MLIP: variants seen among roughly 807,000 people sequenced by gnomAD.
MLIP encodes muscular LMNA interacting protein, also known as muscular LMNA-interacting protein.
Under a neutral mutation model 84.8 loss-of-function variants are expected in MLIP, and 79 were observed. The ratio of observed to expected loss-of-function variants is 0.93; its 90% CI spans 0.78 to 1.12. The LOEUF (loss-of-function observed/expected upper bound fraction) is 1.12. MLIP is among the 50% of genes most tolerant of loss of function. The pLI, the probability that MLIP is intolerant of heterozygous loss-of-function variation, is 0.00. For synonymous variants in MLIP, 504 were observed against 463.0 expected (o/e 1.09, Z -1.14); for missense variants, 1,257 against 1,160.6 (o/e 1.08, Z -1.21).
In MLIP at chr6:54,035,059, C is replaced by T. The variant is rs141952575; in HGVS notation, c.63+15968C>T. On this transcript the variant is annotated intron_variant, in intron 1 of 12. Transcript: ENST00000274897. ...TGTAGCCTAGGAGAAACAGTCTATA[C>T]CATATAGCCCAGATATGGCCGTATA... 1.4e-3 allele frequency among the ~76,000 whole-genome samples: 212 copies of T among 152,202 alleles called. 1 individual carries two copies. Among genetic ancestry groups the T allele is most frequent in the African/African-American group, 4.9e-3 (203 of 41,544 alleles).
At chr6:54,033,273 T>TC in intron 1 of MLIP, among the ~76,000 whole-genome samples, 1 of 151,708 alleles carries the variant, frequency 6.6e-6, no homozygotes, top group East Asian at 1.9e-4. Flanking sequence ...ACTAATTTTT[T>TC]TTTTTTTTTT....
At chr6:54,093,328 A>AAATTCAATTC (rs1345519347) in intron 1 of MLIP, among the ~76,000 whole-genome samples, 4 of 81,374 alleles carry the variant, frequency 4.9e-5, no homozygotes, top group African/African-American at 1.8e-4. Flanking sequence ...ATTTTCGATT[A>AAATTCAATTC]AATTCTATTC....
At chr6:54,057,710 G>A (rs1420264256) in intron 1 of MLIP, among the ~76,000 whole-genome samples, 3 of 152,004 alleles carry the variant, frequency 2.0e-5, no homozygotes, top group Non-Finnish European at 4.4e-5. Flanking sequence ...TGATTGTTGG[G>A]AATTAATTTT....
intron 1 of MLIP, among the ~76,000 whole-genome samples, chr6:54,091,020 A>T (rs1002100036): frequency 6.6e-6 from 1 of 152,092 alleles, no homozygotes; most frequent in Non-Finnish European, 1.5e-5. Context: ...CTTCGTTGCC[A>T]GGAACCGTGC....
chr6:54,227,727 T>C (rs1358557894), intron 11 of MLIP, among the ~76,000 whole-genome samples: 3 of 152,172 alleles, frequency 2.0e-5, no homozygotes, highest in African/African-American at 7.2e-5. Flanking sequence ...CAACCTGGAA[T>C]TTCATATTCA....
At position 54,136,738 on chromosome 6, in the gene MLIP, T is replaced by C. The variant is rs1323715607; in HGVS notation, c.669T>C (p.Ser223=). The C allele has an allele frequency of 6.6e-7, 1 of 1,504,674 alleles. No individual in the cohort carries two copies. The highest frequency in any genetic ancestry group is 8.9e-7 in the Non-Finnish European group (1 of 1,124,242). 93.2% of individuals were successfully genotyped at this position (1,504,674 alleles called of 1,614,324 possible). A position where few individuals can be genotyped will look rare whatever the true frequency, so the allele number is the denominator to read the frequency against. The part of the protein sequence containing the change: ...HGQLTSSPTT[S]EQLACKPPAF... The stretch of plus-strand genomic sequence containing the variant: ...AGTTAACTTCTTCTCCCACTACCTC[T>C]GAGCAGCTTGCCTGTAAACCACCTG... The change falls in exon 4 of 14, where the codon TCT becomes TCC. Residue 223 remains serine, a synonymous_variant. Transcript: ENST00000502396.
chr6:54,263,707 T>C (rs1281721943), intron 13 of MLIP, among the ~76,000 whole-genome samples: 1 of 149,662 alleles, frequency 6.7e-6, no homozygotes, highest in African/African-American at 2.5e-5. Flanking sequence ...TTACCCAAGG[T>C]TAACTCTGAA....
chr6:54,136,652 G>T (rs1771821472), intron 3 of MLIP, 63 bp from the exon 4 acceptor site: 2 of 1,353,014 alleles, frequency 1.5e-6, no homozygotes, highest in Non-Finnish European at 1.9e-6. Flanking sequence ...CAAGTGACAA[G>T]AATATTTTGA....
At chr6:54,060,246 T>C (rs966508923) in intron 1 of MLIP, among the ~76,000 whole-genome samples, 2 of 152,210 alleles carry the variant, frequency 1.3e-5, no homozygotes, top group African/African-American at 4.8e-5. Context: ...TGATGTTAAA[T>C]ATATGGCATT....
At chr6:54,156,923 G>A (rs1381518385) in intron 5 of MLIP, among the ~76,000 whole-genome samples, 1 of 152,080 alleles carries the variant, frequency 6.6e-6, no homozygotes, top group Non-Finnish European at 1.5e-5. Flanking sequence ...CCCCAAACAG[G>A]GAATGGCTGA....
chr6:54,039,526 A>G (rs541063016), intron 1 of MLIP, among the ~76,000 whole-genome samples: 94 of 151,974 alleles, frequency 6.2e-4, no homozygotes, highest in African/African-American at 2.2e-3. Context: ...TGGAATGAAT[A>G]CACAGATCAG....
intron 1 of MLIP, among the ~76,000 whole-genome samples, chr6:54,054,833 A>C (rs977304535): frequency 3.9e-5 from 6 of 152,104 alleles, no homozygotes; most frequent in African/African-American, 1.4e-4. Flanking sequence ...CTCCTAACGC[A>C]GAAGTAATTC....
intron 8 of MLIP, among the ~76,000 whole-genome samples, chr6:54,165,516 T>G (rs2150577295): frequency 6.6e-6 from 1 of 152,064 alleles, no homozygotes; most frequent in Non-Finnish European, 1.5e-5. Flanking sequence ...TCTCCTTATC[T>G]CTGTTGTTTA....
At chr6:54,189,771 T>C (rs1777734547) in intron 9 of MLIP, 99 bp from the exon 10 acceptor site, 16 of 858,898 alleles carry the variant, frequency 1.9e-5, no homozygotes, top group Middle Eastern at 3.2e-4. Flanking sequence ...AATCCTATCA[T>C]GGACATATAA....
At chr6:54,064,592 TAAGA>T (rs1766154711) in intron 1 of MLIP, among the ~76,000 whole-genome samples, 1 of 99,366 alleles carries the variant, frequency 1.0e-5, no homozygotes, top group African/African-American at 2.6e-5. Context: ...TGAGGAAAAA[TAAGA>T]GTCAGGAACA....
At position 54,137,223 on chromosome 6, in the gene MLIP, A is replaced by G. The variant is rs1771884384; in HGVS notation, c.1154A>G (p.His385Arg). 1 of 1,535,436 alleles carries G rather than the reference A, an allele frequency of 6.5e-7. No individual in the cohort carries two copies. Among genetic ancestry groups the G allele is most frequent in the African/African-American group, 1.4e-5 (1 of 72,822 alleles). The change falls in exon 4 of 14, where the codon CAC (histidine) becomes CGC (arginine). Residue 385 changes from histidine (H) to arginine (R), a missense_variant. Coordinates refer to ENST00000502396, the MANE Select transcript of MLIP (RefSeq NM_001281747.2). ...PSPKPFTSSF[H>R]GSSSTICSQM... ...CCCAAACCATTTACCTCCTCTTTCC[A>G]CGGCTCTTCTTCCACCATCTGCAGC...
chr6:54,210,156 C>CGCACT (rs1367910446), intron 11 of MLIP, among the ~76,000 whole-genome samples: 4 of 152,304 alleles, frequency 2.6e-5, no homozygotes, highest in African/African-American at 9.6e-5. Context: ...CGCACCGCAC[C>CGCACT]GCACCGCACC....
rs1175617434 is a variant in MLIP, at chr6:54,121,468, G to A, written c.118G>A (p.Ala40Thr). The change falls in exon 2 of 14, where the codon GCC (alanine) becomes ACC (threonine). Residue 40 changes from alanine to threonine, a missense_variant. Transcript: ENST00000502396. ...TPQVSAGGSE[A>T]KPLIFTFVPT... ...ATAGGTCTCTGCTGGTGGTTCTGAA[G>A]CCAAACCTCTGATCTTCACATTTGT... 4 of 1,614,062 alleles carry A rather than the reference G, an allele frequency of 2.5e-6. No individual in the cohort carries two copies. In the South Asian group the frequency reaches 3.3e-5, roughly 13 times the overall value.
In MLIP at chr6:54,038,899, T is replaced by C. The variant is rs1764593054; in HGVS notation, c.63+19808T>C. Reference sequence around the variant, plus strand: ...CACATGTGTAAGTAACCACATTTACTTTTCATATAACGAAATTAGATTGAA... The same window carrying C: ...CACATGTGTAAGTAACCACATTTACCTTTCATATAACGAAATTAGATTGAA... On this transcript the variant is annotated intron_variant, in intron 1 of 12. Coordinates refer to the MLIP transcript ENST00000274897. Among the ~76,000 whole-genome samples the C allele has an allele frequency of 1.3e-5, 2 of 151,972 alleles. 1 individual carries two copies. Among genetic ancestry groups the C allele is most frequent in the South Asian group, 4.1e-4 (2 of 4,834 alleles).
Sources: allele counts gnomAD v4.1 joint callset (sites outside exome capture counted in the v4.1 genomes callset), GRCh38; gene constraint gnomAD v4.1.1; transcripts MANE v1.5; gene names NCBI Gene and HGNC (gene_info 2026-07-23, HGNC 2026-07-21).